PSMB7: variants seen among roughly 807,000 people sequenced by gnomAD.
PSMB7 encodes the protein proteasome subunit beta type-7.
PSMB7 carries 5 observed loss-of-function variants against 28.1 expected under a neutral mutation model. The ratio of observed to expected loss-of-function variants is 0.18; its 90% CI spans 0.09 to 0.37. PSMB7 has a LOEUF of 0.37. Among genes scored for constraint, PSMB7 ranks in the 10% least tolerant of loss-of-function variants. PSMB7 has a pLI of 1.00. For missense variants in PSMB7, 275 were observed against 346.2 expected, an observed-to-expected ratio of 0.79 and a Z score of 1.63; for synonymous variants, 122 against 123.7, an observed-to-expected ratio of 0.99 and a Z score of 0.09.
chr9:124,410,903 C>T lies in PSMB7; in HGVS notation c.395+1449G>A, dbSNP rs548263044. 1.1e-4 allele frequency among the ~76,000 whole-genome samples: 17 copies of T among 152,148 alleles called. 1 individual carries two copies. Among genetic ancestry groups the T allele is most frequent in the Admixed American group, 4.6e-4 (7 of 15,276 alleles). On this transcript the variant is annotated intron_variant, in intron 4 of 7. Transcript: ENST00000259457. The stretch of plus-strand genomic sequence containing the variant: ...GCACCCACTCCCACTTCTAAGGCAA[C>T]AACCACCAATGAGTTCCCGAAGATT...
chr9:124,373,960 C>T (rs1830585849), intron 6 of PSMB7, among the ~76,000 whole-genome samples: 1 of 152,178 alleles, frequency 6.6e-6, no homozygotes, highest in Non-Finnish European at 1.5e-5. Context: ...ATGCTCACAG[C>T]AGCATTATAA....
chr9:124,355,971 G>A (rs1830400735), intron 7 of PSMB7, among the ~76,000 whole-genome samples: 1 of 152,172 alleles, frequency 6.6e-6, no homozygotes, highest in Non-Finnish European at 1.5e-5. Context: ...CACTTCCTCG[G>A]GGCTACCGTG....
intron 6 of PSMB7, among the ~76,000 whole-genome samples, chr9:124,378,531 C>T (rs1830635571): frequency 6.6e-6 from 1 of 152,266 alleles, no homozygotes; most frequent in South Asian, 2.1e-4. Context: ...GAGGGTCCTG[C>T]GCACACCACT....
At chr9:124,396,916 A>AT in intron 5 of PSMB7, 2 of 421,074 alleles carry the variant, frequency 4.7e-6, no homozygotes, top group South Asian at 3.6e-5. Flanking sequence ...CTATAAAAAC[A>AT]TAACTAAAAT....
rs143565263 is a variant in PSMB7 at position 124,386,423 on chromosome 9, C to G, written c.512-1767G>C. 1.4e-4 allele frequency among the ~76,000 whole-genome samples: 21 copies of G among 152,264 alleles called. 1 individual carries two copies. Among genetic ancestry groups the G allele is most frequent in the African/African-American group, 5.1e-4 (21 of 41,540 alleles). On this transcript the variant is annotated intron_variant, in intron 5 of 7. Transcript: ENST00000259457. ...GTTAACCTAAGTTGCTGTTTTCAGG[C>G]CCAGGTGAGAACCAGTCTCAGACTT... is the stretch of plus-strand genomic sequence containing the variant.
chr9:124,354,281 C>T (rs1176345027), intron 7 of PSMB7, among the ~76,000 whole-genome samples: 2 of 152,200 alleles, frequency 1.3e-5, no homozygotes, highest in African/African-American at 4.8e-5. Flanking sequence ...CTAGGACACA[C>T]CCAACACCTT....
chr9:124,370,977 A>T (rs1026839718), intron 6 of PSMB7, among the ~76,000 whole-genome samples: 1 of 152,212 alleles, frequency 6.6e-6, no homozygotes, highest in African/African-American at 2.4e-5. Flanking sequence ...GCAGTGTGTG[A>T]CTGTCTTGCA....
intron 6 of PSMB7, among the ~76,000 whole-genome samples, chr9:124,365,932 G>T (rs976507631): frequency 9.9e-5 from 15 of 152,182 alleles, no homozygotes; most frequent in African/African-American, 3.4e-4. Flanking sequence ...GAGAGAGAAA[G>T]GAGAGAAAGA....
intron 6 of PSMB7, among the ~76,000 whole-genome samples, chr9:124,360,177 T>A (rs964403104): frequency 3.3e-5 from 5 of 152,228 alleles, no homozygotes; most frequent in African/African-American, 1.2e-4. Flanking sequence ...TTAAACAACT[T>A]TTGTCTTTAA....
rs1280218338 is a variant in PSMB7, at chr9:124,356,924, C to G, written c.571-9G>C. On this transcript the variant is annotated splice_polypyrimidine_tract_variant and intron_variant, in intron 6 of 7. Coordinates refer to ENST00000259457, the MANE Select transcript of PSMB7 (RefSeq NM_002799.4). This position sits in a 1 kb window ranked among gnomAD's most constrained non-coding sequence, Gnocchi z 4.4. The stretch of plus-strand genomic sequence containing the variant: ...TTCTTGGCTTCCTCCTCCTGAGAAA[C>G]AGAACGGCGGCAATAATGTCCCCGG... The G allele has an allele frequency of 6.2e-7, 1 of 1,614,146 alleles. No homozygotes were observed.
chr9:124,407,997 A>T (rs1830984443), intron 4 of PSMB7, among the ~76,000 whole-genome samples: 1 of 152,218 alleles, frequency 6.6e-6, no homozygotes, highest in Non-Finnish European at 1.5e-5. Flanking sequence ...GTTTAAAAAA[A>T]CAAACACAAC....
chr9:124,358,472 A>G (rs1275595125), intron 6 of PSMB7, among the ~76,000 whole-genome samples: 1 of 152,242 alleles, frequency 6.6e-6, no homozygotes, highest in Non-Finnish European at 1.5e-5. Context: ...GAATGCATTC[A>G]AACGGGATCC....
At chr9:124,391,881 A>G (rs1830791813) in intron 5 of PSMB7, among the ~76,000 whole-genome samples, 2 of 152,360 alleles carry the variant, frequency 1.3e-5, no homozygotes, top group South Asian at 4.1e-4. Flanking sequence ...CAAACTTAGC[A>G]ATTCTATAAT....
At chr9:124,400,170 C>A (rs1033731667) in intron 5 of PSMB7, among the ~76,000 whole-genome samples, 1 of 152,178 alleles carries the variant, frequency 6.6e-6, no homozygotes, top group Admixed American at 6.5e-5. Flanking sequence ...CTTAACCACA[C>A]GGAGCCCTTG....
intron 5 of PSMB7, among the ~76,000 whole-genome samples, chr9:124,394,074 C>A (rs1029506875): frequency 2.6e-5 from 4 of 152,228 alleles, no homozygotes; most frequent in African/African-American, 9.6e-5. Context: ...TTCAAAATAA[C>A]TTCCCAAACT....
Position 124,402,896 on chromosome 9 carries a change from G to A in PSMB7, c.511+2421C>T, listed in dbSNP as rs780353648. Among the ~76,000 whole-genome samples, 43 of 152,192 alleles carry A rather than the reference G, an allele frequency of 2.8e-4. 1 individual carries two copies. In the Middle Eastern group the frequency reaches 0.01, roughly 36 times the overall value. On this transcript the variant is annotated intron_variant, in intron 5 of 7. Coordinates refer to ENST00000259457, the MANE Select transcript of PSMB7 (RefSeq NM_002799.4). ...TTAGAATAACTGCAAAGATTCATCC[G>A]TATGGTATCTGGGGATAAATCATTC...
chr9:124,391,003 G>A (rs949997143), intron 5 of PSMB7, among the ~76,000 whole-genome samples: 5 of 152,190 alleles, frequency 3.3e-5, no homozygotes, highest in African/African-American at 9.7e-5. Flanking sequence ...CCTTAGGACC[G>A]TCTTAGAGGT....
intron 6 of PSMB7, among the ~76,000 whole-genome samples, chr9:124,367,255 T>C (rs553361201): frequency 6.6e-6 from 1 of 152,262 alleles, no homozygotes; most frequent in African/African-American, 2.4e-5. Context: ...GCCTCAGTCA[T>C]AGGTGCTGAC....
At chr9:124,371,807 C>A (rs1301189094) in intron 6 of PSMB7, among the ~76,000 whole-genome samples, 1 of 152,190 alleles carries the variant, frequency 6.6e-6, no homozygotes, top group Non-Finnish European at 1.5e-5. Context: ...CAAACACTTA[C>A]GAATTCAACA....
Sources: allele counts gnomAD v4.1 joint callset (sites outside exome capture counted in the v4.1 genomes callset), GRCh38; gene constraint gnomAD v4.1.1; non-coding constraint Gnocchi (gnomAD v3.1); transcripts MANE v1.5; gene names NCBI Gene and HGNC (gene_info 2026-07-23, HGNC 2026-07-21).